KCNH3: variants seen among roughly 807,000 people sequenced by gnomAD.
The protein encoded by KCNH3 is voltage-gated inwardly rectifying potassium channel KCNH3.
A neutral mutation model predicts 95.6 loss-of-function variants in KCNH3; 36 were observed. The ratio of observed to expected loss-of-function variants is 0.38; its 90% CI spans 0.29 to 0.50. The LOEUF is 0.50. Among genes scored for constraint, KCNH3 ranks in the 20% least tolerant of loss-of-function variants. KCNH3 has a pLI of 0.95. For synonymous variants in KCNH3, 620 were observed against 646.3 expected (o/e 0.96, Z 0.62); for missense variants, 1,030 against 1,484.1 (o/e 0.69, Z 5.03).
intron 11 of KCNH3, among the ~76,000 whole-genome samples, chr12:49,555,063 G>A (rs920362277): frequency 2.6e-5 from 4 of 152,128 alleles, no homozygotes; most frequent in African/African-American, 9.7e-5. Context: ...GTAGAGGAGT[G>A]GTGGTGTCCG....
intron 7 of KCNH3, among the ~76,000 whole-genome samples, chr12:49,544,597 C>T (rs1353753911): frequency 1.3e-5 from 2 of 152,136 alleles, no homozygotes; most frequent in Admixed American, 6.5e-5. Context: ...CCAAGGAGTC[C>T]CAGTCGCCCA....
intron 10 of KCNH3, among the ~76,000 whole-genome samples, chr12:49,552,350 C>T (rs1381646976): frequency 6.6e-6 from 1 of 152,184 alleles, no homozygotes; most frequent in Non-Finnish European, 1.5e-5. Context: ...CAGCCTGTGC[C>T]CTGGGCCTTT....
rs1938496875 is a variant in KCNH3, at chr12:49,557,245, A to G, written c.2638A>G (p.Lys880Glu). 6 of 1,613,866 alleles carry G rather than the reference A, an allele frequency of 3.7e-6. No individual in the cohort carries two copies. The highest frequency in any genetic ancestry group is 2.2e-5 in the South Asian group (2 of 91,076). The part of the protein sequence containing the change: ...SEARNTDTLD[K>E]LRQAVTELSE... ...GGCAAGGAACACAGACACACTGGAC[A>G]AGCTTCGGCAGGCGGTGGGTGAGGG... is the stretch of plus-strand genomic sequence containing the variant. The change falls in exon 14 of 15, where the codon AAG (lysine) becomes GAG (glutamate). Residue 880 changes from lysine to glutamate, a missense_variant. Physicochemically the swap from Lys to Glu is moderately conservative, Grantham distance 56 (BLOSUM62 1). Around this residue, in one of 9 missense-constraint regions of KCNH3, gnomAD observed 464 missense variants for 493.2 expected, o/e 0.94. Transcript: ENST00000257981.
intron 7 of KCNH3, among the ~76,000 whole-genome samples, chr12:49,548,424 G>A (rs1335584058): frequency 6.6e-6 from 1 of 152,160 alleles, no homozygotes; most frequent in Non-Finnish European, 1.5e-5. Context: ...GTGGCTGTGG[G>A]GATGGATGAG....
At position 49,539,524 on chromosome 12, in the gene KCNH3, G is replaced by T; in HGVS notation, c.76+32G>T. 6.4e-7 allele frequency: 1 copy of T among 1,568,690 alleles called. No homozygotes were observed. ...CCGACCCTCGCCCACTTGCACCCGG[G>T]CCGCCGGACCCTCGCCAGGGCTCCC... On this transcript the variant is annotated intron_variant, in intron 1 of 14. Coordinates refer to ENST00000257981, the MANE Select transcript of KCNH3 (RefSeq NM_012284.3). This position sits in a 1 kb window ranked among gnomAD's most constrained non-coding sequence, Gnocchi z 6.7.
At position 49,549,777 on chromosome 12, in the gene KCNH3, G is replaced by A; in HGVS notation, c.1668+137G>A. 5 of 878,432 alleles carry A rather than the reference G, an allele frequency of 5.7e-6. No homozygotes were observed. The South Asian group carries it at 6.6e-5, about 12-fold the overall frequency. The allele number at this position is 878,432 out of a possible 1,614,324, so 54.4% of individuals were successfully genotyped here. A position where few individuals can be genotyped will look rare whatever the true frequency, so the allele number is the denominator to read the frequency against. On this transcript the variant is annotated intron_variant, in intron 9 of 14. Coordinates refer to ENST00000257981, the MANE Select transcript of KCNH3 (RefSeq NM_012284.3). ...TCCCTTCTCTCTTGAGGGGACAGCGGCATGGGACAGAGGGCAGCTAAGAAG... is the reference window on the plus strand; with the variant it reads ...TCCCTTCTCTCTTGAGGGGACAGCGACATGGGACAGAGGGCAGCTAAGAAG...
At chr12:49,545,819 C>T (rs942502417) in intron 7 of KCNH3, among the ~76,000 whole-genome samples, 2 of 152,120 alleles carry the variant, frequency 1.3e-5, no homozygotes, top group Admixed American at 1.3e-4. Context: ...TCTGCAAGCT[C>T]ACAGGAGGCC....
At chr12:49,548,773 G>A (rs1265117820) in intron 7 of KCNH3, 122 bp from the exon 8 acceptor site, 46 of 1,032,710 alleles carry the variant, frequency 4.5e-5, no homozygotes, top group South Asian at 3.7e-4. Flanking sequence ...GGCTGGCAGT[G>A]AAGGGGCAAA....
chr12:49,544,039 C>G lies in KCNH3; in HGVS notation c.948C>G (p.Pro316=). Residue 316 remains proline (P), a synonymous_variant, in exon 6 of 15, where the codon CCC becomes CCG. Coordinates refer to ENST00000257981, the MANE Select transcript of KCNH3 (RefSeq NM_012284.3). ...WFLLDVIAAL[P]FDLLHAFKVN... The stretch of plus-strand genomic sequence containing the variant: ...TGCTGGATGTCATCGCAGCGCTGCC[C>G]TTTGACCTGCTACATGCCTTCAAGG... The G allele has an allele frequency of 6.2e-7, 1 of 1,613,444 alleles. No homozygotes were observed. The highest frequency in any genetic ancestry group is 8.5e-7 in the Non-Finnish European group (1 of 1,179,354).
chr12:49,539,414 A>C lies in KCNH3; in HGVS notation c.-3A>C. 1 of 1,551,176 alleles carries C rather than the reference A, an allele frequency of 6.4e-7. No homozygotes were observed. Among genetic ancestry groups the C allele is most frequent in the Non-Finnish European group, 8.7e-7 (1 of 1,153,950 alleles). ...ATGGGGCGGGCAGCCGCGGGCGCCT[A>C]AGATGCCGGCCATGCGGGGCCTCCT... On this transcript the variant is annotated 5_prime_UTR_variant, in exon 1 of 15. It removes the in-frame stop codon of an upstream open reading frame in the 5' UTR. Coordinates refer to ENST00000257981, the MANE Select transcript of KCNH3 (RefSeq NM_012284.3). The surrounding 1 kb of genome is among the most constrained non-coding windows in gnomAD (Gnocchi z 6.7).
intron 8 of KCNH3, 115 bp downstream of exon 8, chr12:49,549,288 G>C: frequency 6.9e-7 from 1 of 1,458,234 alleles, no homozygotes; most frequent in Non-Finnish European, 9.2e-7. Flanking sequence ...TTAGGTGGCC[G>C]CGGAACCCGA....
chr12:49,545,757 C>T (rs370344811), intron 7 of KCNH3, among the ~76,000 whole-genome samples: 6 of 152,004 alleles, frequency 3.9e-5, no homozygotes, highest in Non-Finnish European at 5.9e-5. Context: ...CTTAGAAACC[C>T]GGTCTGATCA....
At chr12:49,545,403 C>CT (rs869243854) in intron 7 of KCNH3, among the ~76,000 whole-genome samples, 1,355 of 117,474 alleles carry the variant, frequency 0.012, 41 homozygotes, top group Non-Finnish European at 0.012. Flanking sequence ...ATGCAGGTGG[C>CT]TTTTTTTTTT....
chr12:49,557,455 C>G lies in KCNH3; in HGVS notation c.2754C>G (p.Cys918Trp), dbSNP rs778367005. The G allele has an allele frequency of 1.2e-6, 2 of 1,610,612 alleles. No individual in the cohort carries two copies. The highest frequency in any genetic ancestry group is 1.7e-6 in the Non-Finnish European group (2 of 1,178,752). Reference sequence around the variant, plus strand: ...TGGCGCCCCACAGGGAGGGTCCGTGCCCTCGGGCATCGGGAGAGGGGCCGT... The same window carrying G: ...TGGCGCCCCACAGGGAGGGTCCGTGGCCTCGGGCATCGGGAGAGGGGCCGT... The part of the protein sequence containing the change: ...LVLAPHREGP[C>W]PRASGEGPCP... The change falls in exon 15 of 15, where the codon TGC becomes TGG. Residue 918 changes from cysteine to tryptophan, a missense_variant. By Grantham distance (215) the Cys-to-Trp change is radical (BLOSUM62 -2). This residue lies in a region of KCNH3 where 464 missense variants were observed against 493.2 expected (regional missense o/e 0.94). Transcript: ENST00000257981.
intron 7 of KCNH3, among the ~76,000 whole-genome samples, chr12:49,548,630 C>T (rs905372673): frequency 6.6e-6 from 1 of 152,188 alleles, no homozygotes; most frequent in Non-Finnish European, 1.5e-5. Context: ...CGACTGGGCC[C>T]GTTACCTGGG....
chr12:49,541,166 T>C (rs773693245), intron 2 of KCNH3, 34 bp downstream of exon 2: 1 of 1,535,026 alleles, frequency 6.5e-7, no homozygotes, highest in East Asian at 2.3e-5. Flanking sequence ...GCCTCACCTT[T>C]GCAGTCTCAC....
intron 7 of KCNH3, among the ~76,000 whole-genome samples, chr12:49,547,881 C>A (rs1592503278): frequency 6.6e-6 from 1 of 152,272 alleles, no homozygotes; most frequent in East Asian, 1.9e-4. Flanking sequence ...CCCATGGCCC[C>A]CAGCTCTGCC....
chr12:49,555,704 G>C lies in KCNH3; in HGVS notation c.2221G>C (p.Val741Leu), dbSNP rs754296548. The part of the protein sequence containing the change: ...KETDGEQGPT[V>L]SPAPADEPSS... ...GACAGATGGGGAGCAGGGCCCCACGGTCTCCCCAGCCCCAGCTGATGAGCC... is the reference window on the plus strand; with the variant it reads ...GACAGATGGGGAGCAGGGCCCCACGCTCTCCCCAGCCCCAGCTGATGAGCC... Residue 741 changes from valine to leucine, a missense_variant, in exon 12 of 15, where the codon GTC becomes CTC. Around this residue, in one of 9 missense-constraint regions of KCNH3, gnomAD observed 464 missense variants for 493.2 expected, o/e 0.94. Transcript: ENST00000257981. 1 of 1,611,064 alleles carries C rather than the reference G, an allele frequency of 6.2e-7. No homozygotes were observed. The highest frequency in any genetic ancestry group is 8.5e-7 in the Non-Finnish European group (1 of 1,178,506).
At chr12:49,555,463 G>C (rs926744070) in intron 11 of KCNH3, among the ~76,000 whole-genome samples, 157 bp from the exon 12 acceptor site, 1 of 147,572 alleles carries the variant, frequency 6.8e-6, no homozygotes, top group South Asian at 2.2e-4. Flanking sequence ...AAAAAAAAAA[G>C]ATAGTATCAT....
Sources: gnomAD v4.1 joint callset for allele counts (sites outside exome capture counted in the v4.1 genomes callset) on GRCh38, gnomAD v4.1.1 for gene constraint, gnomAD v4.1.1 regional missense constraint, Gnocchi (gnomAD v3.1) non-coding constraint, MANE v1.5 for transcripts, NCBI Gene and HGNC (gene_info 2026-07-23, HGNC 2026-07-21) for gene names.